Variants in PCSK6 observed in about 807,000 individuals in gnomAD.
The protein encoded by PCSK6 is proprotein convertase subtilisin/kexin type 6.
PCSK6 carries 85 observed loss-of-function variants against 123.3 expected under a neutral mutation model. The observed-to-expected ratio is 0.69, with a 90% CI of 0.58 to 0.83. The LOEUF is 0.83. Ranked by LOEUF, PCSK6 falls within the 40% of genes least tolerant of loss-of-function variation. The pLI is 0.00. For synonymous variants in PCSK6, 508 were observed against 516.0 expected, an observed-to-expected ratio of 0.98 and a Z score of 0.21; for missense variants, 1,191 against 1,282.3, an observed-to-expected ratio of 0.93 and a Z score of 1.09.
intron 6 of PCSK6, among the ~76,000 whole-genome samples, chr15:101,420,378 T>C (rs1023766065): frequency 2.0e-5 from 3 of 152,144 alleles, no homozygotes; most frequent in African/African-American, 7.2e-5. Context: ...CTTTGTTTTT[T>C]TGAGACAGGG....
intron 10 of PCSK6, among the ~76,000 whole-genome samples, chr15:101,383,529 T>C (rs2041969899): frequency 6.6e-6 from 1 of 152,136 alleles, no homozygotes; most frequent in Non-Finnish European, 1.5e-5. Flanking sequence ...CTGGGTTGAT[T>C]TCATGGTACC....
intron 9 of PCSK6, 21 bp from the exon 10 acceptor site, chr15:101,384,446 C>T: frequency 3.1e-6 from 5 of 1,603,328 alleles, no homozygotes; most frequent in Non-Finnish European, 4.3e-6. Context: ...ACAACACACC[C>T]TAGAGTCCAC....
intron 1 of PCSK6, among the ~76,000 whole-genome samples, chr15:101,465,121 T>C (rs1173927665): frequency 2.0e-5 from 3 of 152,114 alleles, no homozygotes; most frequent in African/African-American, 4.8e-5. Context: ...TCCAGACCAA[T>C]GACGGGGAGG....
chr15:101,394,137 G>GTTTTTTTTTTTT (rs1444048837), intron 7 of PCSK6, among the ~76,000 whole-genome samples: 2 of 89,574 alleles, frequency 2.2e-5, no homozygotes, highest in African/African-American at 9.1e-5. Context: ...CCGTTTTTTT[G>GTTTTTTTTTTTT]TTTTTTGTTT....
At chr15:101,440,681 C>A (rs1388837881) in intron 2 of PCSK6, among the ~76,000 whole-genome samples, 1 of 152,178 alleles carries the variant, frequency 6.6e-6, no homozygotes, top group Non-Finnish European at 1.5e-5. Context: ...TCATCTTTTC[C>A]TTTTGTTAAT....
chr15:101,335,163 T>C (rs1056871440), intron 13 of PCSK6, among the ~76,000 whole-genome samples: 5 of 152,210 alleles, frequency 3.3e-5, no homozygotes, highest in Admixed American at 1.3e-4. Context: ...TTTCACTATG[T>C]TTCTCAGGCT....
chr15:101,479,348 G>A (rs368351046), intron 1 of PCSK6, among the ~76,000 whole-genome samples: 7 of 152,360 alleles, frequency 4.6e-5, no homozygotes, highest in African/African-American at 1.4e-4. Context: ...ATGAAGATGC[G>A]TGTGGTAAAA....
chr15:101,452,590 C>T (rs1238875086), intron 1 of PCSK6, among the ~76,000 whole-genome samples: 6 of 152,156 alleles, frequency 3.9e-5, no homozygotes, highest in African/African-American at 1.2e-4. Context: ...GAACAAGGCA[C>T]TGCTGCAACT....
intron 15 of PCSK6, 126 bp from the exon 16 acceptor site, chr15:101,326,605 G>T: frequency 1.1e-6 from 1 of 873,872 alleles, no homozygotes; most frequent in South Asian, 1.7e-5. Flanking sequence ...GCCCCGCTGG[G>T]GCTGGACGGC....
chr15:101,352,904 C>G (rs868314998), intron 13 of PCSK6, among the ~76,000 whole-genome samples: 13 of 152,174 alleles, frequency 8.5e-5, no homozygotes, highest in Non-Finnish European at 1.6e-4. Flanking sequence ...CCCTTAAAAC[C>G]AAGCATCTAT....
At chr15:101,338,741 A>T (rs529395596) in intron 13 of PCSK6, among the ~76,000 whole-genome samples, 1 of 152,174 alleles carries the variant, frequency 6.6e-6, no homozygotes, top group African/African-American at 2.4e-5. Context: ...GCCCAATCAA[A>T]TTTTTTGCCA....
Position 101,427,847 on chromosome 15 carries a change from C to T in PCSK6, c.823+45G>A, listed in dbSNP as rs552544429. On this transcript the variant is annotated intron_variant, in intron 6 of 21. Coordinates refer to ENST00000611716, the MANE Select transcript of PCSK6 (RefSeq NM_002570.5). Reference sequence around the variant, plus strand: ...GCGGACAGGGAGCTCCCAGCTGCCCCTGCCCCAGGCCCCTCGGCTCGCAGG... The same window carrying T: ...GCGGACAGGGAGCTCCCAGCTGCCCTTGCCCCAGGCCCCTCGGCTCGCAGG... The T allele has an allele frequency of 2.0e-6, 3 of 1,470,586 alleles. No homozygotes were observed. The South Asian group carries it at 3.6e-5, about 18-fold the overall frequency. The allele number at this position is 1,470,586 out of a possible 1,614,324, so 91.1% of individuals were successfully genotyped here. A position where few individuals can be genotyped will look rare whatever the true frequency, so the allele number is the denominator to read the frequency against.
intron 1 of PCSK6, among the ~76,000 whole-genome samples, chr15:101,451,771 C>T (rs535121634): frequency 3.3e-5 from 5 of 152,250 alleles, no homozygotes; most frequent in Admixed American, 2.0e-4. Context: ...TTATTGATCC[C>T]GGTTGGTTTG....
intron 13 of PCSK6, among the ~76,000 whole-genome samples, chr15:101,332,383 G>A (rs1268456215): frequency 3.3e-5 from 5 of 152,160 alleles, no homozygotes; most frequent in Non-Finnish European, 7.3e-5. Flanking sequence ...CTGCCTCCCC[G>A]ATGCCTAGCA....
chr15:101,347,823 T>A, intron 13 of PCSK6: 1 of 1,519,664 alleles, frequency 6.6e-7, no homozygotes, highest in Non-Finnish European at 9.1e-7. Flanking sequence ...TGAAGCTTTA[T>A]TGGGAGGTGC....
intron 1 of PCSK6, among the ~76,000 whole-genome samples, chr15:101,453,632 A>G (rs1366138260): frequency 6.6e-6 from 1 of 152,140 alleles, no homozygotes; most frequent in African/African-American, 2.4e-5. Flanking sequence ...ACATGTTACC[A>G]CCACTGTGTA....
intron 2 of PCSK6, among the ~76,000 whole-genome samples, chr15:101,433,723 C>T (rs2056515533): frequency 6.6e-6 from 1 of 152,224 alleles, no homozygotes. Flanking sequence ...GTAACAGTCC[C>T]CAAGAGCAAA....
intron 1 of PCSK6, among the ~76,000 whole-genome samples, chr15:101,477,957 G>A (rs1421313983): frequency 6.6e-6 from 1 of 152,164 alleles, no homozygotes; most frequent in Non-Finnish European, 1.5e-5. Flanking sequence ...AGGAGGGGAG[G>A]ATCCCATAGT....
chr15:101,378,685 C>T (rs2041821517), intron 11 of PCSK6, among the ~76,000 whole-genome samples: 1 of 152,204 alleles, frequency 6.6e-6, no homozygotes, highest in Admixed American at 6.5e-5. Context: ...ACCTGAGGTC[C>T]CCTCTTCCCT....
Sources: gnomAD v4.1 joint callset for allele counts (sites outside exome capture counted in the v4.1 genomes callset) on GRCh38, gnomAD v4.1.1 for gene constraint, MANE v1.5 for transcripts, NCBI Gene and HGNC (gene_info 2026-07-23, HGNC 2026-07-21) for gene names.